Variants in TFEC observed in about 807,000 individuals in gnomAD.
TFEC encodes the protein class E basic helix-loop-helix protein 34.
TFEC carries 31 observed loss-of-function variants against 41.6 expected under a neutral mutation model. That is an observed-to-expected ratio of 0.74 (90% confidence interval 0.56 to 1.01). The LOEUF is 1.01. TFEC is among the 50% of genes least tolerant of loss of function. TFEC has a pLI of 0.00. For synonymous variants in TFEC, 143 were observed against 140.6 expected (o/e 1.02, Z -0.12); for missense variants, 402 against 404.1 (o/e 0.99, Z 0.04).
At chr7:115,969,391 G>A (rs1793027705) in intron 3 of TFEC, among the ~76,000 whole-genome samples, 1 of 151,888 alleles carries the variant, frequency 6.6e-6, no homozygotes, top group Admixed American at 6.6e-5. Flanking sequence ...GAGGAGTCAT[G>A]GAGTTAGGGT....
At chr7:116,149,806 CA>C (rs1348576196) in intron 1 of TFEC, among the ~76,000 whole-genome samples, 1 of 152,094 alleles carries the variant, frequency 6.6e-6, no homozygotes, top group Non-Finnish European at 1.5e-5. Context: ...CTAAATAAAA[CA>C]AAAACTCTTA....
intron 1 of TFEC, among the ~76,000 whole-genome samples, chr7:115,986,749 G>T (rs1793874827): frequency 7.9e-6 from 1 of 125,824 alleles, no homozygotes; most frequent in African/African-American, 3.1e-5. Context: ...TCACACACCA[G>T]GGCCTGTTGT....
In TFEC at chr7:115,993,936, C is replaced by T. The variant is rs567375057; in HGVS notation, c.-72-9423G>A. 1.2e-4 allele frequency among the ~76,000 whole-genome samples: 19 copies of T among 152,282 alleles called. 1 individual carries two copies. The highest frequency in any genetic ancestry group is 2.1e-4 in the Non-Finnish European group (14 of 68,018). On this transcript the variant is annotated intron_variant, in intron 1 of 7. Coordinates refer to ENST00000265440, the MANE Select transcript of TFEC (RefSeq NM_012252.4). ...CAAAAGAACAAAGCTGGAGGCATTA[C>T]GCTATCTGACTTCAAACTATACTAC...
At chr7:115,947,370 C>G (rs1052909735) in intron 6 of TFEC, among the ~76,000 whole-genome samples, 2 of 151,186 alleles carry the variant, frequency 1.3e-5, no homozygotes, top group African/African-American at 4.8e-5. Context: ...AATAATGCTG[C>G]AATAAACATA....
Position 116,141,099 on chromosome 7 carries a change from A to G in TFEC, c.-69+18691T>C, listed in dbSNP as rs73464410. Among the ~76,000 whole-genome samples the G allele has an allele frequency of 3.2e-3, 490 of 152,326 alleles. 4 individuals are homozygous for G. The highest frequency in any genetic ancestry group is 0.011 in the African/African-American group (473 of 41,564). ...AACAGATGCATACCTATTAAAATTTAATTAATAAGGCATGCTAAGTAAGTA... is the reference window on the plus strand; with the variant it reads ...AACAGATGCATACCTATTAAAATTTGATTAATAAGGCATGCTAAGTAAGTA... On this transcript the variant is annotated intron_variant, in intron 1 of 8. Coordinates refer to the TFEC transcript ENST00000484212.
intron 3 of TFEC, among the ~76,000 whole-genome samples, chr7:116,042,623 G>A (rs1796066876): frequency 6.6e-6 from 1 of 152,062 alleles, no homozygotes; most frequent in South Asian, 2.1e-4. Context: ...CATAATTGTG[G>A]CAAAATTATT....
chr7:116,082,217 G>A (rs1797107160), intron 3 of TFEC, among the ~76,000 whole-genome samples: 1 of 151,904 alleles, frequency 6.6e-6, no homozygotes, highest in African/African-American at 2.4e-5. Context: ...GTGTACATAC[G>A]TATCTGCTAC....
chr7:116,014,199 A>T (rs1416663741), intron 1 of TFEC, among the ~76,000 whole-genome samples: 2 of 152,138 alleles, frequency 1.3e-5, no homozygotes, highest in African/African-American at 4.8e-5. Context: ...GCAGAAAATA[A>T]TATTATTTTC....
At chr7:115,954,506 G>T in intron 5 of TFEC, 80 bp downstream of exon 5, 2 of 1,140,888 alleles carry the variant, frequency 1.8e-6, no homozygotes, top group Non-Finnish European at 2.5e-6. Flanking sequence ...AATACTTATG[G>T]AGTATAATAA....
chr7:115,982,565 C>T (rs1370594950), intron 2 of TFEC, among the ~76,000 whole-genome samples: 2 of 152,172 alleles, frequency 1.3e-5, no homozygotes, highest in Non-Finnish European at 2.9e-5. Context: ...AAAACTATTA[C>T]AGACTCAGTA....
At chr7:116,031,648 T>C (rs981382498), upstream of TFEC, among the ~76,000 whole-genome samples, 3 of 152,192 alleles carry the variant, frequency 2.0e-5, no homozygotes, top group African/African-American at 7.2e-5. Flanking sequence ...GAAGGTTACA[T>C]TCAGATTTCT....
chr7:116,135,041 T>C (rs767263058), intron 1 of TFEC, among the ~76,000 whole-genome samples: 26 of 152,126 alleles, frequency 1.7e-4, no homozygotes, highest in Non-Finnish European at 3.2e-4. Context: ...AAAACTAAGA[T>C]TGTAGTGAAT....
chr7:116,116,114 A>G (rs1306569106), intron 1 of TFEC, among the ~76,000 whole-genome samples: 2 of 152,004 alleles, frequency 1.3e-5, no homozygotes, highest in Non-Finnish European at 2.9e-5. Context: ...AATAATGTAT[A>G]TAAAGTGTTT....
In TFEC at chr7:116,078,977, C is replaced by T. The variant is rs537646576; in HGVS notation, c.198+31731G>A. Among the ~76,000 whole-genome samples the T allele has an allele frequency of 3.3e-5, 5 of 152,164 alleles. No homozygotes were observed. In the South Asian group the frequency reaches 8.3e-4, roughly 25 times the overall value. On this transcript the variant is annotated intron_variant, in intron 3 of 8. Coordinates refer to the TFEC transcript ENST00000484212. ...TCCAACAGCATAACAAAAAGATAGT[C>T]CACCATGTCAAGTGGGTTTCATACC...
intron 1 of TFEC, among the ~76,000 whole-genome samples, chr7:116,128,889 C>T (rs1021198495): frequency 6.6e-6 from 1 of 151,896 alleles, no homozygotes; most frequent in Admixed American, 6.6e-5. Context: ...GAGGTAGATA[C>T]ATTTGCTAAA....
chr7:115,977,730 T>A (rs965446488), intron 2 of TFEC, among the ~76,000 whole-genome samples: 8 of 152,000 alleles, frequency 5.3e-5, no homozygotes, highest in Non-Finnish European at 1.2e-4. Flanking sequence ...GCATAATAAT[T>A]ACATATGTAT....
intron 2 of TFEC, chr7:116,111,037 T>C (rs1797843842): frequency 2.0e-6 from 1 of 502,290 alleles, no homozygotes; most frequent in Non-Finnish European, 3.2e-6. Flanking sequence ...AAGGGAGGTA[T>C]TTGAAATAGA....
intron 3 of TFEC, among the ~76,000 whole-genome samples, chr7:116,085,088 G>T (rs1191516778): frequency 2.0e-5 from 3 of 151,846 alleles, no homozygotes; most frequent in South Asian, 2.1e-4. Flanking sequence ...AGCCAGTCAT[G>T]CAAAGAGCAG....
At chr7:116,003,190 C>A (rs1794663404) in intron 1 of TFEC, among the ~76,000 whole-genome samples, 1 of 151,808 alleles carries the variant, frequency 6.6e-6, no homozygotes, top group African/African-American at 2.4e-5. Context: ...AGGGCTAGGC[C>A]AGGCCAGCAC....
Sources: allele counts gnomAD v4.1 joint callset (sites outside exome capture counted in the v4.1 genomes callset), GRCh38; gene constraint gnomAD v4.1.1; transcripts MANE v1.5; gene names NCBI Gene and HGNC (gene_info 2026-07-23, HGNC 2026-07-21).